KANSL1L: variants seen among roughly 807,000 people sequenced by gnomAD.
KANSL1L encodes KAT8 regulatory NSL complex subunit 1-like protein.
A neutral mutation model predicts 108.6 loss-of-function variants in KANSL1L; 25 were observed. The observed-to-expected ratio is 0.23, with a 90% CI of 0.17 to 0.32. KANSL1L has a LOEUF of 0.32. Among genes scored for constraint, KANSL1L ranks in the 10% least tolerant of loss-of-function variants. The pLI is 1.00. For missense variants in KANSL1L, 1,137 were observed against 1,125.7 expected (o/e 1.01, Z -0.14); for synonymous variants, 405 against 395.1 (o/e 1.03, Z -0.30).
At chr2:210,112,769 A>T (rs1003767603) in intron 3 of KANSL1L, among the ~76,000 whole-genome samples, 1 of 152,172 alleles carries the variant, frequency 6.6e-6, no homozygotes, top group South Asian at 2.1e-4. Context: ...TGGAACAGGA[A>T]CCACCAGGAA....
intron 3 of KANSL1L, among the ~76,000 whole-genome samples, chr2:210,107,098 C>T (rs1425042892): frequency 6.6e-6 from 1 of 152,022 alleles, no homozygotes; most frequent in African/African-American, 2.4e-5. Flanking sequence ...AAGATGAAAG[C>T]AAATCAACTG....
At chr2:210,030,683 A>T (rs2094004950) in intron 9 of KANSL1L, 1 of 151,910 alleles carries the variant, frequency 6.6e-6, no homozygotes, top group Non-Finnish European at 1.5e-5. Flanking sequence ...CATTTGTTAA[A>T]AAAAAGTCCT....
intron 6 of KANSL1L, among the ~76,000 whole-genome samples, chr2:210,073,525 TA>T (rs879519828): frequency 3.7e-4 from 53 of 141,926 alleles, no homozygotes; most frequent in Non-Finnish European, 4.0e-4. Context: ...GCGAGATGTC[TA>T]AAAAAAAAAA....
chr2:210,117,589 T>A (rs1308503880), intron 3 of KANSL1L, among the ~76,000 whole-genome samples: 1 of 152,126 alleles, frequency 6.6e-6, no homozygotes, highest in Non-Finnish European at 1.5e-5. Flanking sequence ...GTGAGTGGCA[T>A]GACATATTTA....
chr2:210,084,504 A>T (rs886285392), intron 5 of KANSL1L, among the ~76,000 whole-genome samples: 5 of 152,350 alleles, frequency 3.3e-5, no homozygotes, highest in African/African-American at 1.2e-4. Flanking sequence ...TTCAGATATA[A>T]TATTAACTGA....
intron 5 of KANSL1L, among the ~76,000 whole-genome samples, chr2:210,097,599 G>A (rs58500531): frequency 0.14 from 21,773 of 151,944 alleles, 1,961 homozygotes; most frequent in East Asian, 0.29. Flanking sequence ...AATGTTTATA[G>A]GAGTTATTAA....
chr2:210,040,986 C>T (rs2094157966), intron 7 of KANSL1L, among the ~76,000 whole-genome samples: 1 of 152,242 alleles, frequency 6.6e-6, no homozygotes, highest in East Asian at 1.9e-4. Flanking sequence ...ATGCTTTTAA[C>T]GTCTTGGGAG....
intron 6 of KANSL1L, among the ~76,000 whole-genome samples, chr2:210,072,528 G>T (rs1221863802): frequency 6.6e-6 from 1 of 152,168 alleles, no homozygotes; most frequent in Non-Finnish European, 1.5e-5. Context: ...AGGAGATTGG[G>T]GGTGTAGGAG....
intron 6 of KANSL1L, among the ~76,000 whole-genome samples, chr2:210,050,788 C>T (rs1399793356): frequency 2.0e-5 from 3 of 151,910 alleles, no homozygotes; most frequent in Non-Finnish European, 4.4e-5. Context: ...CACTTGAGCC[C>T]AGGAGGTTGG....
intron 5 of KANSL1L, among the ~76,000 whole-genome samples, chr2:210,090,668 A>T (rs2094685184): frequency 6.6e-6 from 1 of 152,034 alleles, no homozygotes; most frequent in Non-Finnish European, 1.5e-5. Flanking sequence ...AATAGCTGGG[A>T]CTACAGGTGT....
chr2:210,054,427 T>G (rs1447959052), intron 6 of KANSL1L, among the ~76,000 whole-genome samples: 5 of 152,126 alleles, frequency 3.3e-5, no homozygotes, highest in African/African-American at 1.2e-4. Flanking sequence ...TATAAAGATG[T>G]TGGCAAACAG....
chr2:210,036,900 G>A (rs994103159), intron 8 of KANSL1L, among the ~76,000 whole-genome samples: 5 of 152,024 alleles, frequency 3.3e-5, no homozygotes, highest in South Asian at 2.1e-4. Flanking sequence ...AGGACAACAG[G>A]TGCACGCCAC....
chr2:210,029,000 T>C (rs758556646), intron 10 of KANSL1L, 31 bp from the exon 11 acceptor site: 2 of 1,579,674 alleles, frequency 1.3e-6, no homozygotes, highest in African/African-American at 1.4e-5. Flanking sequence ...AGATTTACAG[T>C]ACTGTCTAGT....
intron 4 of KANSL1L, among the ~76,000 whole-genome samples, 190 bp from the exon 5 acceptor site, chr2:210,098,397 T>A (rs1386400803): frequency 6.6e-6 from 1 of 152,230 alleles, no homozygotes; most frequent in Non-Finnish European, 1.5e-5. Context: ...ATACTTTAAG[T>A]ACCCATTCTT....
At position 210,149,229 on chromosome 2, in the gene KANSL1L, T is replaced by C. The variant is rs74551914; in HGVS notation, c.1088+4266A>G. ...CAATGTTTATGTCTTTACAACTACA[T>C]ATACAAACACAGAAATAGTCATTCA... On this transcript the variant is annotated intron_variant, in intron 2 of 14. Coordinates refer to ENST00000281772, the MANE Select transcript of KANSL1L (RefSeq NM_152519.4). Among the ~76,000 whole-genome samples the C allele has an allele frequency of 1.6e-3, 239 of 152,224 alleles. 4 individuals carry two copies. The East Asian group carries it at 0.038, about 24-fold the overall frequency.
At chr2:210,153,350 T>C in intron 2 of KANSL1L, 145 bp downstream of exon 2, 2 of 665,592 alleles carry the variant, frequency 3.0e-6, no homozygotes, top group South Asian at 4.5e-5. Context: ...CGAGACTCTG[T>C]CTCAAAAATA....
intron 5 of KANSL1L, 144 bp from the exon 6 acceptor site, chr2:210,075,900 T>C (rs2094538794): frequency 1.6e-6 from 1 of 621,384 alleles, no homozygotes; most frequent in African/African-American, 1.9e-5. Context: ...GTGGTAACAA[T>C]TGGTAAAATA....
At chr2:210,150,583 G>GA (rs1277802795) in intron 2 of KANSL1L, among the ~76,000 whole-genome samples, 2 of 152,076 alleles carry the variant, frequency 1.3e-5, no homozygotes, top group Non-Finnish European at 2.9e-5. Flanking sequence ...AAGAGCTTGA[G>GA]ACCAGCTTGA....
chr2:210,104,387 C>A, intron 3 of KANSL1L, 86 bp from the exon 4 acceptor site: 1 of 887,458 alleles, frequency 1.1e-6, no homozygotes, highest in Non-Finnish European at 1.8e-6. Flanking sequence ...TGAATCTATG[C>A]TTCCACTTAT....
Sources: gnomAD v4.1 joint callset for allele counts (sites outside exome capture counted in the v4.1 genomes callset) on GRCh38, gnomAD v4.1.1 for gene constraint, MANE v1.5 for transcripts, NCBI Gene and HGNC (gene_info 2026-07-23, HGNC 2026-07-21) for gene names.